Variants in CAMKMT observed in about 807,000 individuals in gnomAD.
CAMKMT encodes CaM KMT.
A neutral mutation model predicts 48.0 loss-of-function variants in CAMKMT; 53 were observed. The observed-to-expected ratio is 1.10, with a 90% CI of 0.89 to 1.39. The LOEUF is 1.39. CAMKMT is among the 40% of genes most tolerant of loss of function. The probability of loss-of-function intolerance (pLI) is 0.00; values close to 1 mark genes in which losing one functional copy is unlikely to be tolerated. For missense variants in CAMKMT, 428 were observed against 402.7 expected, an observed-to-expected ratio of 1.06 and a Z score of -0.54; for synonymous variants, 165 against 152.3, an observed-to-expected ratio of 1.08 and a Z score of -0.61.
intron 3 of CAMKMT, among the ~76,000 whole-genome samples, chr2:44,403,163 T>G (rs1682547375): frequency 6.6e-6 from 1 of 152,194 alleles, no homozygotes; most frequent in African/African-American, 2.4e-5. Flanking sequence ...TCCCTTGAGC[T>G]GGCCAGTTTA....
chr2:44,470,372 G>C (rs545455061), intron 3 of CAMKMT, among the ~76,000 whole-genome samples: 2 of 152,164 alleles, frequency 1.3e-5, no homozygotes, highest in African/African-American at 2.4e-5. Context: ...GGCAGCTTCA[G>C]ACCCTTTGTA....
chr2:44,510,770 T>C (rs553566494), intron 3 of CAMKMT, among the ~76,000 whole-genome samples: 5 of 152,164 alleles, frequency 3.3e-5, no homozygotes, highest in Non-Finnish European at 7.3e-5. Context: ...CGGTATACAC[T>C]GTACCCAGTA....
At chr2:44,486,847 G>A (rs1669240982) in intron 3 of CAMKMT, among the ~76,000 whole-genome samples, 1 of 152,344 alleles carries the variant, frequency 6.6e-6, no homozygotes. Context: ...GAGAGACATT[G>A]TCTGTGTTGT....
At chr2:44,536,796 G>A (rs1031420161) in intron 3 of CAMKMT, among the ~76,000 whole-genome samples, 4 of 152,078 alleles carry the variant, frequency 2.6e-5, no homozygotes, top group African/African-American at 9.7e-5. Context: ...AAACAGCATG[G>A]TATCAGTATA....
rs10667154 is a variant in CAMKMT, at chr2:44,621,266, C to CAAAAAAAA, written c.377-83005_377-82998dup. On this transcript the variant is annotated intron_variant, in intron 3 of 10. Coordinates refer to ENST00000378494, the MANE Select transcript of CAMKMT (RefSeq NM_024766.5). ...TGGGCGACAGAGCGAGACTCCATCT[C>CAAAAAAAA]AAAAAAAAAAAAAAAAAAAGCATAA... Among the ~76,000 whole-genome samples, 27 of 84,518 alleles carry CAAAAAAAA rather than the reference C, an allele frequency of 3.2e-4. 2 individuals are homozygous for CAAAAAAAA. The highest frequency in any genetic ancestry group is 1.3e-3 in the African/African-American group (25 of 18,710). 55.4% of individuals were successfully genotyped at this position (84,518 alleles called of 152,430 possible).
At chr2:44,370,959 C>T (rs1679114959) in intron 1 of CAMKMT, among the ~76,000 whole-genome samples, 1 of 152,134 alleles carries the variant, frequency 6.6e-6, no homozygotes, top group Non-Finnish European at 1.5e-5. Flanking sequence ...TACAGGCAGA[C>T]ACCACCACAT....
intron 3 of CAMKMT, among the ~76,000 whole-genome samples, chr2:44,470,739 C>G (rs1176225955): frequency 6.6e-6 from 1 of 152,034 alleles, no homozygotes; most frequent in Non-Finnish European, 1.5e-5. Context: ...TATTATCTGT[C>G]TTTTGAAATT....
At chr2:44,644,513 T>A (rs1274953272) in intron 3 of CAMKMT, among the ~76,000 whole-genome samples, 1 of 152,148 alleles carries the variant, frequency 6.6e-6, no homozygotes, top group Non-Finnish European at 1.5e-5. Context: ...CTCCAAAGAG[T>A]CAAAAGTGAT....
chr2:44,765,795 G>A (rs951605407), intron 9 of CAMKMT, among the ~76,000 whole-genome samples: 20 of 152,126 alleles, frequency 1.3e-4, no homozygotes, highest in African/African-American at 4.6e-4. Context: ...AATACTATGA[G>A]GAACTGCTTG....
intron 3 of CAMKMT, among the ~76,000 whole-genome samples, chr2:44,608,180 C>T (rs1464433676): frequency 1.3e-5 from 2 of 150,414 alleles, no homozygotes; most frequent in Non-Finnish European, 2.9e-5. Flanking sequence ...TCACGCCATT[C>T]TCCTGCCTCA....
At chr2:44,720,768 A>G (rs1024719251) in intron 7 of CAMKMT, among the ~76,000 whole-genome samples, 1 of 152,132 alleles carries the variant, frequency 6.6e-6, no homozygotes, top group South Asian at 2.1e-4. Flanking sequence ...TGTCACTATA[A>G]CTTTGTAATA....
intron 9 of CAMKMT, among the ~76,000 whole-genome samples, chr2:44,756,271 G>GCTCT (rs1422360135): frequency 1.3e-5 from 2 of 152,204 alleles, no homozygotes; most frequent in Non-Finnish European, 2.9e-5. Flanking sequence ...TTTCTTCTTA[G>GCTCT]CTCTCAGGGC....
intron 3 of CAMKMT, among the ~76,000 whole-genome samples, chr2:44,489,548 A>C (rs1438100772): frequency 6.6e-6 from 1 of 152,096 alleles, no homozygotes; most frequent in Admixed American, 6.6e-5. Context: ...GCCTGGCCGG[A>C]ATACTTTTTA....
At chr2:44,378,392 A>G (rs1401597246) in intron 2 of CAMKMT, among the ~76,000 whole-genome samples, 2 of 152,240 alleles carry the variant, frequency 1.3e-5, no homozygotes, top group African/African-American at 2.4e-5. Context: ...TGAGACTGGA[A>G]AACATCTCTT....
chr2:44,381,200 C>T (rs1453229514), intron 2 of CAMKMT, among the ~76,000 whole-genome samples: 1 of 152,032 alleles, frequency 6.6e-6, no homozygotes, highest in Non-Finnish European at 1.5e-5. Context: ...AGTTTTGCTT[C>T]AGTGATAAGT....
At chr2:44,729,595 G>C (rs1678971279) in intron 7 of CAMKMT, among the ~76,000 whole-genome samples, 1 of 152,158 alleles carries the variant, frequency 6.6e-6, no homozygotes, top group Non-Finnish European at 1.5e-5. Flanking sequence ...ATATCATCAG[G>C]GCAGGTGAAG....
chr2:44,719,219 C>T (rs774946195), intron 7 of CAMKMT, among the ~76,000 whole-genome samples: 2 of 152,152 alleles, frequency 1.3e-5, no homozygotes, highest in African/African-American at 4.8e-5. Flanking sequence ...CATCTAAATC[C>T]TTCCTTCTAG....
intron 3 of CAMKMT, among the ~76,000 whole-genome samples, chr2:44,654,300 G>C (rs1430635861): frequency 6.6e-6 from 1 of 151,832 alleles, no homozygotes; most frequent in African/African-American, 2.4e-5. Flanking sequence ...TTACATGAAG[G>C]CAAAATTGAA....
intron 3 of CAMKMT, among the ~76,000 whole-genome samples, chr2:44,598,245 T>C (rs1340137333): frequency 6.6e-6 from 1 of 152,010 alleles, no homozygotes; most frequent in East Asian, 1.9e-4. Flanking sequence ...AATAAGAATA[T>C]TTTTTCCTTG....
Sources: allele counts gnomAD v4.1 joint callset (sites outside exome capture counted in the v4.1 genomes callset), GRCh38; gene constraint gnomAD v4.1.1; transcripts MANE v1.5; gene names NCBI Gene and HGNC (gene_info 2026-07-23, HGNC 2026-07-21).